The following PXN variants were observed in gnomAD, a reference collection of about 807,000 sequenced individuals.
PXN encodes the protein paxillin, also known as testicular tissue protein Li 134.
Under a neutral mutation model 103.6 loss-of-function variants are expected in PXN, and 61 were observed. The ratio of observed to expected loss-of-function variants is 0.59; its 90% CI spans 0.48 to 0.73. The LOEUF is 0.73. Ranked by LOEUF, PXN falls within the 30% of genes least tolerant of loss-of-function variation. The probability of loss-of-function intolerance (pLI) is 0.00; values close to 1 mark genes in which losing one functional copy is unlikely to be tolerated. For synonymous variants in PXN, 562 were observed against 607.8 expected (o/e 0.92, Z 1.11); for missense variants, 1,274 against 1,460.3 (o/e 0.87, Z 2.08).
In PXN at chr12:120,212,517, C is replaced by T. The variant is rs1390588977; in HGVS notation, c.3043G>A (p.Val1015Met). ...FEHDGQPYCEVHYHERRGSLC... is the reference protein window; with the variant it reads ...FEHDGQPYCEMHYHERRGSLC... ...GAGCCGCGCCGCTCGTGGTAGTGCA[C>T]CTCACAGTAGGGCTGCCCGTCGTGC... Residue 1015 changes from valine (V) to methionine (M), a missense_variant, in exon 15 of 15, where the codon GTG becomes ATG. Coordinates refer to ENST00000637617, the MANE Select transcript of PXN (RefSeq NM_001385981.1). This position sits in a 1 kb window ranked among gnomAD's most constrained non-coding sequence, Gnocchi z 7.2. The T allele has an allele frequency of 1.2e-6, 2 of 1,613,902 alleles. No individual in the cohort carries two copies. Among genetic ancestry groups the T allele is most frequent in the African/African-American group, 1.3e-5 (1 of 75,044 alleles).
intron 1 of PXN, among the ~76,000 whole-genome samples, chr12:120,255,145 T>C (rs914809944): frequency 1.3e-5 from 2 of 152,062 alleles, no homozygotes; most frequent in African/African-American, 4.8e-5. Context: ...GCACACAGGT[T>C]ATAAAAGAGG....
chr12:120,224,563 C>T lies in PXN; in HGVS notation c.14-186G>A. ...ACCAGCCTAACCAAGAGCCGGCTCC[C>T]AAAGCTAACTTCTTCTGGCCACCCA... On this transcript the variant is annotated intron_variant, in intron 1 of 14. Transcript: ENST00000637617. The surrounding 1 kb of genome is among the most constrained non-coding windows in gnomAD (Gnocchi z 5.0). The T allele has an allele frequency of 1.4e-6, 1 of 707,108 alleles. No homozygotes were observed. Among genetic ancestry groups the T allele is most frequent in the Non-Finnish European group, 2.6e-6 (1 of 387,768 alleles). The allele number at this position is 707,108 out of a possible 1,614,324, so 43.8% of individuals were successfully genotyped here. A position where few individuals can be genotyped will look rare whatever the true frequency, so the allele number is the denominator to read the frequency against.
chr12:120,214,810 G>A lies in PXN; in HGVS notation c.2748+15C>T, dbSNP rs372481859. The A allele has an allele frequency of 2.6e-4, 415 of 1,613,206 alleles. No individual in the cohort carries two copies. Among genetic ancestry groups the A allele is most frequent in the Non-Finnish European group, 2.9e-4 (347 of 1,179,346 alleles). ...AATGAGCGGAAGCGGGCGCGGTGCC[G>A]GATGAGGAACTCACATCCAGGATGG... On this transcript the variant is annotated intron_variant, in intron 12 of 14. Coordinates refer to ENST00000637617, the MANE Select transcript of PXN (RefSeq NM_001385981.1). This position sits in a 1 kb window ranked among gnomAD's most constrained non-coding sequence, Gnocchi z 5.0.
chr12:120,253,682 T>A (rs143112777), intron 1 of PXN, among the ~76,000 whole-genome samples: 5 of 152,150 alleles, frequency 3.3e-5, no homozygotes, highest in Non-Finnish European at 7.4e-5. Context: ...TAAAAAATGA[T>A]CGTCAATGGA....
chr12:120,223,897 A>G (rs1886029476), intron 2 of PXN, 64 bp from the exon 3 acceptor site: 6 of 1,273,714 alleles, frequency 4.7e-6, no homozygotes, highest in Non-Finnish European at 6.7e-6. Flanking sequence ...GGCCAGGAGC[A>G]GCTCCAGTCA....
In PXN at chr12:120,224,640, T is replaced by G; in HGVS notation, c.14-263A>C. 1 of 663,734 alleles carries G rather than the reference T, an allele frequency of 1.5e-6. No individual in the cohort carries two copies. The highest frequency in any genetic ancestry group is 2.8e-6 in the Non-Finnish European group (1 of 360,826). 41.1% of individuals were successfully genotyped at this position (663,734 alleles called of 1,614,324 possible). On this transcript the variant is annotated intron_variant, in intron 1 of 14. Transcript: ENST00000637617. This position sits in a 1 kb window ranked among gnomAD's most constrained non-coding sequence, Gnocchi z 5.0. Reference sequence around the variant, plus strand: ...TCTGGGGCTGCCCTGTGGGATCTCCTACCTCTGGGAGTCAGGCACCTGGCA... The same window carrying G: ...TCTGGGGCTGCCCTGTGGGATCTCCGACCTCTGGGAGTCAGGCACCTGGCA...
At chr12:120,261,388 A>G (rs181569815) in intron 1 of PXN, among the ~76,000 whole-genome samples, 76 of 152,198 alleles carry the variant, frequency 5.0e-4, no homozygotes, top group Admixed American at 3.7e-3. Context: ...ATTGGGTTTC[A>G]CCACATTGGC....
At chr12:120,243,825 G>A (rs112823776) in intron 1 of PXN, among the ~76,000 whole-genome samples, 5 of 152,318 alleles carry the variant, frequency 3.3e-5, no homozygotes, top group African/African-American at 9.6e-5. Flanking sequence ...TCTCCTATGA[G>A]AACACCTCAA....
chr12:120,221,004 A>G lies in PXN; in HGVS notation c.831+619T>C, dbSNP rs1163385914. 1.3e-5 allele frequency among the ~76,000 whole-genome samples: 2 copies of G among 152,142 alleles called. No homozygotes were observed. The highest frequency in any genetic ancestry group is 4.8e-5 in the African/African-American group (2 of 41,434). On this transcript the variant is annotated intron_variant, in intron 6 of 14. Transcript: ENST00000637617. The surrounding 1 kb of genome is among the most constrained non-coding windows in gnomAD (Gnocchi z 6.6). ...CATCTCAGGCCTGGCAGGACTGGGG[A>G]GGCCCAGCAGGGGAGGGGAAGGGCA...
chr12:120,215,083 T>TGCCCACTCCCCC lies in PXN; in HGVS notation c.2574+8_2574+19dup, dbSNP rs1392828174. On this transcript the variant is annotated intron_variant, in intron 11 of 14. Coordinates refer to ENST00000637617, the MANE Select transcript of PXN (RefSeq NM_001385981.1). The surrounding 1 kb of genome is among the most constrained non-coding windows in gnomAD (Gnocchi z 4.9). ...TGCAGGAGTCCACTGGCCACACCCC[T>TGCCCACTCCCCC]GCCCACTCCCCCTCATCACCTGCCC... 6.3e-7 allele frequency: 1 copy of TGCCCACTCCCCC among 1,590,600 alleles called. No individual in the cohort carries two copies. The highest frequency in any genetic ancestry group is 1.3e-5 in the African/African-American group (1 of 74,548).
intron 1 of PXN, among the ~76,000 whole-genome samples, chr12:120,250,754 C>T (rs531984091): frequency 2.0e-5 from 3 of 152,288 alleles, no homozygotes; most frequent in Admixed American, 6.5e-5. Flanking sequence ...CAACCCATGG[C>T]GCCATGAAGA....
chr12:120,226,369 C>T, intron 1 of PXN: 1 of 1,289,216 alleles, frequency 7.8e-7, no homozygotes, highest in Non-Finnish European at 1.0e-6. Context: ...TACCTGCCAT[C>T]CTCACAACGC....
chr12:120,215,963 A>C lies in PXN; in HGVS notation c.2302-302T>G. On this transcript the variant is annotated intron_variant, in intron 9 of 14. Coordinates refer to ENST00000637617, the MANE Select transcript of PXN (RefSeq NM_001385981.1). This position sits in a 1 kb window ranked among gnomAD's most constrained non-coding sequence, Gnocchi z 4.9. ...GGGCCTGGGGGCTGGAAGGGAGGAGACAGGTTTCTGGTCTCCCTTCTGGAG... is the reference window on the plus strand; with the variant it reads ...GGGCCTGGGGGCTGGAAGGGAGGAGCCAGGTTTCTGGTCTCCCTTCTGGAG... The C allele has an allele frequency of 7.2e-7, 1 of 1,380,594 alleles. No homozygotes were observed. Among genetic ancestry groups the C allele is most frequent in the African/African-American group, 1.5e-5 (1 of 67,786 alleles). The allele number at this position is 1,380,594 out of a possible 1,614,324, so 85.5% of individuals were successfully genotyped here.
Position 120,256,337 on chromosome 12 carries a change from A to T in PXN, c.13+9280T>A, listed in dbSNP as rs548843664. 2.0e-5 allele frequency among the ~76,000 whole-genome samples: 3 copies of T among 151,988 alleles called. No homozygotes were observed. In the South Asian group the frequency reaches 6.3e-4, roughly 32 times the overall value. ...AGGGCAGGAGGATCGCTTGAGTTGG[A>T]GGTTACAGTGAGCTGTGATCAGATC... On this transcript the variant is annotated intron_variant, in intron 1 of 14. Coordinates refer to ENST00000637617, the MANE Select transcript of PXN (RefSeq NM_001385981.1).
rs1880427045 is a variant in PXN, at chr12:120,212,319, A to C, written c.3241T>G (p.Cys1081Gly). ...CAGAGACAGGGGCAGGGCACCTAGCAGAAGAGCTTGAGGAAGCAGTTCTGA... is the reference window on the plus strand; with the variant it reads ...CAGAGACAGGGGCAGGGCACCTAGCCGAAGAGCTTGAGGAAGCAGTTCTGA... Reference protein sequence around the residue: ...YCQNCFLKLFC With the variant: ...YCQNCFLKLFG The change falls in exon 15 of 15, where the codon TGC (cysteine) becomes GGC (glycine). Residue 1081 changes from cysteine (C) to glycine (G), a missense_variant. By Grantham distance (159) the Cys-to-Gly change is radical. Coordinates refer to ENST00000637617, the MANE Select transcript of PXN (RefSeq NM_001385981.1). The surrounding 1 kb of genome is among the most constrained non-coding windows in gnomAD (Gnocchi z 7.2). The C allele has an allele frequency of 5.6e-6, 9 of 1,612,734 alleles. No homozygotes were observed. In the East Asian group the frequency reaches 2.0e-4, roughly 36 times the overall value.
rs1162089946 is a variant in PXN at position 120,265,415 on chromosome 12, G to A, written c.13+202C>T. Among the ~76,000 whole-genome samples, 1 of 152,054 alleles carries A rather than the reference G, an allele frequency of 6.6e-6. No individual in the cohort carries two copies. The highest frequency in any genetic ancestry group is 2.4e-5 in the African/African-American group (1 of 41,412). Reference sequence around the variant, plus strand: ...CCCAGACGGGGGGTCGCTGCTGTGCGGTCGGTGCCGGGGCCGGCCTGGCCC... The same window carrying A: ...CCCAGACGGGGGGTCGCTGCTGTGCAGTCGGTGCCGGGGCCGGCCTGGCCC... On this transcript the variant is annotated intron_variant, in intron 1 of 14. Coordinates refer to ENST00000637617, the MANE Select transcript of PXN (RefSeq NM_001385981.1). The surrounding 1 kb of genome is among the most constrained non-coding windows in gnomAD (Gnocchi z 5.7).
chr12:120,245,867 C>T (rs895038208), intron 1 of PXN, among the ~76,000 whole-genome samples: 2 of 149,272 alleles, frequency 1.3e-5, no homozygotes, highest in African/African-American at 5.0e-5. Flanking sequence ...CTACATAGTA[C>T]GGGTTTCATA....
In PXN at chr12:120,219,844, G is replaced by A. The variant is rs1360648879; in HGVS notation, c.1079C>T (p.Thr360Ile). Residue 360 changes from threonine (T) to isoleucine (I), a missense_variant, in exon 7 of 15, where the codon ACC becomes ATC. This residue lies in a region of PXN where 1,178 missense variants were observed against 1,309.0 expected (regional missense o/e 0.90). Transcript: ENST00000637617. This position sits in a 1 kb window ranked among gnomAD's most constrained non-coding sequence, Gnocchi z 6.5. ...DLAGLGVMPD[T>I]FNSRSPSVEG... Reference sequence around the variant, plus strand: ...CACAGAGGGAGACCTTGAGTTGAAGGTGTCAGGCATCACCCCAAGACCAGC... The same window carrying A: ...CACAGAGGGAGACCTTGAGTTGAAGATGTCAGGCATCACCCCAAGACCAGC... 6.3e-7 allele frequency: 1 copy of A among 1,598,320 alleles called. No individual in the cohort carries two copies. Among genetic ancestry groups the A allele is most frequent in the Non-Finnish European group, 8.5e-7 (1 of 1,179,812 alleles).
At chr12:120,240,712 C>T (rs1436000217) in intron 1 of PXN, among the ~76,000 whole-genome samples, 1 of 152,208 alleles carries the variant, frequency 6.6e-6, no homozygotes, top group African/African-American at 2.4e-5. Flanking sequence ...CTCCCAATGA[C>T]GCAAGTGCCA....
Sources: gnomAD v4.1 joint callset for allele counts (sites outside exome capture counted in the v4.1 genomes callset) on GRCh38, gnomAD v4.1.1 for gene constraint, gnomAD v4.1.1 regional missense constraint, Gnocchi (gnomAD v3.1) non-coding constraint, MANE v1.5 for transcripts, NCBI Gene and HGNC (gene_info 2026-07-23, HGNC 2026-07-21) for gene names.